The following BIN3 variants were observed in gnomAD, a reference collection of about 807,000 sequenced individuals.
The protein encoded by BIN3 is bridging integrator 3.
BIN3 carries 41 observed loss-of-function variants against 38.2 expected under a neutral mutation model. That is an observed-to-expected ratio of 1.07 (90% CI 0.84 to 1.39). The LOEUF (loss-of-function observed/expected upper bound fraction) is 1.39. Among genes scored for constraint, BIN3 ranks in the 40% most tolerant of loss-of-function variants. The pLI, the probability that BIN3 is intolerant of heterozygous loss-of-function variation, is 0.00. For missense variants in BIN3, 361 were observed against 324.3 expected (o/e 1.11, Z -0.87); for synonymous variants, 145 against 122.6 (o/e 1.18, Z -1.21).
At chr8:22,653,356 T>C (rs543407913) in intron 1 of BIN3, among the ~76,000 whole-genome samples, 66 of 152,334 alleles carry the variant, frequency 4.3e-4, no homozygotes, top group Middle Eastern at 3.4e-3. Flanking sequence ...TTTGGTACAA[T>C]TGGAAAATGT....
At chr8:22,624,576 G>T (rs781234635) in intron 6 of BIN3, 59 of 580,666 alleles carry the variant, frequency 1.0e-4, no homozygotes, top group Non-Finnish European at 1.5e-4. Flanking sequence ...GAACAAGACA[G>T]ATGAGGCCCT....
At chr8:22,643,268 A>C (rs1485698016) in intron 2 of BIN3, among the ~76,000 whole-genome samples, 2 of 152,218 alleles carry the variant, frequency 1.3e-5, no homozygotes, top group East Asian at 3.8e-4. Context: ...CAGCCTCTGC[A>C]TGAGAGGTCA....
rs116183841 is a variant in BIN3 at position 22,663,734 on chromosome 8, T to G, written c.8+5310A>C. Among the ~76,000 whole-genome samples the G allele has an allele frequency of 6.7e-3, 1,026 of 152,350 alleles. 13 individuals are homozygous for G. Among genetic ancestry groups the G allele is most frequent in the African/African-American group, 0.023 (976 of 41,576 alleles). ...ACTTACCACCTCCAAGCTGGCCTCC[T>G]GACAGTCCGCACAAACACTCTTGAC... On this transcript the variant is annotated intron_variant, in intron 1 of 8. Transcript: ENST00000276416.
At chr8:22,641,119 C>A (rs1802543405) in intron 2 of BIN3, among the ~76,000 whole-genome samples, 1 of 152,156 alleles carries the variant, frequency 6.6e-6, no homozygotes, top group Non-Finnish European at 1.5e-5. Flanking sequence ...AGGAAAAGAG[C>A]CAGACAGAAA....
intron 1 of BIN3, among the ~76,000 whole-genome samples, chr8:22,664,846 G>C (rs1005433067): frequency 6.6e-6 from 1 of 152,204 alleles, no homozygotes; most frequent in African/African-American, 2.4e-5. Flanking sequence ...CTACACATGT[G>C]AGACAGCAAC....
intron 1 of BIN3, among the ~76,000 whole-genome samples, chr8:22,648,496 T>C (rs551564256): frequency 6.6e-6 from 1 of 152,306 alleles, no homozygotes; most frequent in South Asian, 2.1e-4. Context: ...GTCTGATGCT[T>C]TTCTCCTGAC....
At chr8:22,634,462 TTTGTG>T (rs1214909553) in intron 4 of BIN3, 8 of 456,196 alleles carry the variant, frequency 1.8e-5, no homozygotes, top group Non-Finnish European at 2.2e-5. Context: ...ACGCTTTCCT[TTTGTG>T]ATCAGTGCTT....
At chr8:22,665,613 C>T (rs1803391916) in intron 1 of BIN3, among the ~76,000 whole-genome samples, 1 of 152,120 alleles carries the variant, frequency 6.6e-6, no homozygotes, top group African/African-American at 2.4e-5. Flanking sequence ...GAAGGGGAAA[C>T]ATTTCAGGCA....
In BIN3 at chr8:22,621,338, T is replaced by A; in HGVS notation, c.*84A>T. The A allele has an allele frequency of 6.7e-7, 1 of 1,499,620 alleles. No homozygotes were observed. Among genetic ancestry groups the A allele is most frequent in the Non-Finnish European group, 9.0e-7 (1 of 1,116,702 alleles). 92.9% of individuals were successfully genotyped at this position (1,499,620 alleles called of 1,614,324 possible). On this transcript the variant is annotated 3_prime_UTR_variant, in exon 9 of 9. Coordinates refer to ENST00000276416, the MANE Select transcript of BIN3 (RefSeq NM_018688.6). The stretch of plus-strand genomic sequence containing the variant: ...ACCAGGGCCACCTCTGTCCCCAGCC[T>A]GTGAGAGGAGCAGCTAGCCCTGAGA...
chr8:22,660,240 A>G (rs1350621498), intron 1 of BIN3, among the ~76,000 whole-genome samples: 1 of 152,256 alleles, frequency 6.6e-6, no homozygotes, highest in Non-Finnish European at 1.5e-5. Flanking sequence ...CTGACAGACA[A>G]GTAATCACCG....
At chr8:22,649,858 C>CATACACACACA (rs199571834) in intron 1 of BIN3, among the ~76,000 whole-genome samples, 3 of 108,494 alleles carry the variant, frequency 2.8e-5, no homozygotes, top group Admixed American at 8.4e-5. Flanking sequence ...CACACACACA[C>CATACACACACA]CCCCAAAGGA....
At chr8:22,658,106 C>T (rs55968065) in intron 1 of BIN3, among the ~76,000 whole-genome samples, 6 of 152,290 alleles carry the variant, frequency 3.9e-5, no homozygotes, top group Middle Eastern at 6.8e-3. Context: ...GAGGGTTCTG[C>T]GCTCTCTGCC....
intron 1 of BIN3, among the ~76,000 whole-genome samples, chr8:22,650,429 C>G (rs948985226): frequency 6.6e-6 from 1 of 152,098 alleles, no homozygotes; most frequent in Non-Finnish European, 1.5e-5. Context: ...CTACTAAATC[C>G]GCCTTTTGTG....
At chr8:22,625,098 T>TCCCACTACC in intron 6 of BIN3, 1 of 481,464 alleles carries the variant, frequency 2.1e-6, no homozygotes, top group Non-Finnish European at 3.7e-6. Flanking sequence ...CCTGAGGACC[T>TCCCACTACC]CCACTGTGAC....
rs190032418 is a variant in BIN3 at position 22,629,403 on chromosome 8, C to A, written c.338+561G>T. On this transcript the variant is annotated intron_variant, in intron 6 of 8. Coordinates refer to ENST00000276416, the MANE Select transcript of BIN3 (RefSeq NM_018688.6). ...CCGAGGGAATAGGCCTGTCTGATCACTGACCAGGGCCTGCCCAACAGAAGA... is the reference window on the plus strand; with the variant it reads ...CCGAGGGAATAGGCCTGTCTGATCAATGACCAGGGCCTGCCCAACAGAAGA... 6.6e-4 allele frequency among the ~76,000 whole-genome samples: 101 copies of A among 152,358 alleles called. 1 individual carries two copies. The highest frequency in any genetic ancestry group is 2.3e-3 in the African/African-American group (94 of 41,586).
At chr8:22,646,968 T>G (rs1035788137) in intron 1 of BIN3, among the ~76,000 whole-genome samples, 6 of 152,200 alleles carry the variant, frequency 3.9e-5, no homozygotes, top group African/African-American at 1.2e-4. Context: ...CAGCCTGTAT[T>G]CTGTGGGAAG....
At chr8:22,635,918 A>C (rs1251972591) in intron 4 of BIN3, among the ~76,000 whole-genome samples, 1 of 151,842 alleles carries the variant, frequency 6.6e-6, no homozygotes, top group East Asian at 1.9e-4. Context: ...TTGTGTCTCT[A>C]GGCTCCCAGG....
chr8:22,662,160 C>T lies in BIN3; in HGVS notation c.8+6884G>A, dbSNP rs147234353. On this transcript the variant is annotated intron_variant, in intron 1 of 8. Transcript: ENST00000276416. Reference sequence around the variant, plus strand: ...CCATTCTCCAGAGGCTGGGCATCTGCACATGACGATGCCCCTCACACTCCT... The same window carrying T: ...CCATTCTCCAGAGGCTGGGCATCTGTACATGACGATGCCCCTCACACTCCT... Among the ~76,000 whole-genome samples, 5 of 152,332 alleles carry T rather than the reference C, an allele frequency of 3.3e-5. No individual in the cohort carries two copies. The East Asian group carries it at 9.6e-4, about 29-fold the overall frequency.
intron 6 of BIN3, among the ~76,000 whole-genome samples, chr8:22,626,772 T>C (rs927294330): frequency 1.3e-5 from 2 of 152,120 alleles, no homozygotes; most frequent in African/African-American, 4.8e-5. Flanking sequence ...CGGTGCAGGA[T>C]GGGAGGAGCC....
Sources: gnomAD v4.1 joint callset for allele counts (sites outside exome capture counted in the v4.1 genomes callset) on GRCh38, gnomAD v4.1.1 for gene constraint, MANE v1.5 for transcripts, NCBI Gene and HGNC (gene_info 2026-07-23, HGNC 2026-07-21) for gene names.